TPST2: variants seen among roughly 807,000 people sequenced by gnomAD.
TPST2 encodes tyrosylprotein sulfotransferase 2.
TPST2 carries 16 observed loss-of-function variants against 27.8 expected under a neutral mutation model. The observed-to-expected ratio is 0.58, with a 90% confidence interval of 0.39 to 0.88. TPST2 has a LOEUF of 0.88. TPST2 is among the 40% of genes least tolerant of loss of function. TPST2 has a pLI of 0.00. For synonymous variants in TPST2, 229 were observed against 231.7 expected (o/e 0.99, Z 0.10); for missense variants, 464 against 543.1 (o/e 0.85, Z 1.45).
At chr22:26,577,292 T>C (rs891554839) in intron 1 of TPST2, among the ~76,000 whole-genome samples, 4 of 146,658 alleles carry the variant, frequency 2.7e-5, no homozygotes, top group East Asian at 4.0e-4. Flanking sequence ...AAAGTGAACA[T>C]GCATATAGTG....
intron 1 of TPST2, among the ~76,000 whole-genome samples, chr22:26,585,276 C>T (rs4822744): frequency 1.3e-5 from 2 of 152,116 alleles, no homozygotes; most frequent in South Asian, 2.1e-4. Context: ...GCTGGCTGCC[C>T]GCCATCTGAG....
Position 26,549,812 on chromosome 22 carries a change from C to T in TPST2, c.-160-5137G>A, listed in dbSNP as rs185537991. On this transcript the variant is annotated intron_variant, in intron 1 of 6. Transcript: ENST00000338754. ...TTGGGAGGCCGAGGCAGGTGGATCACGAAGTCAGGAGATCGAGACCATCCT... is the reference window on the plus strand; with the variant it reads ...TTGGGAGGCCGAGGCAGGTGGATCATGAAGTCAGGAGATCGAGACCATCCT... 1.4e-3 allele frequency among the ~76,000 whole-genome samples: 213 copies of T among 147,206 alleles called. 4 individuals carry two copies. Among genetic ancestry groups the T allele is most frequent in the African/African-American group, 4.9e-3 (195 of 39,806 alleles).
intron 1 of TPST2, among the ~76,000 whole-genome samples, chr22:26,558,046 C>A (rs1447558689): frequency 6.9e-6 from 1 of 145,112 alleles, no homozygotes; most frequent in Non-Finnish European, 1.5e-5. Flanking sequence ...GACTCCGTCT[C>A]AAAAAAATAT....
At position 26,569,009 on chromosome 22, in the gene TPST2, G is replaced by A. The variant is rs568971358; in HGVS notation, c.-161+21044C>T. On this transcript the variant is annotated intron_variant, in intron 1 of 6. Coordinates refer to ENST00000338754, the MANE Select transcript of TPST2 (RefSeq NM_003595.5). ...CTCCCGAGTAGCTGGGACTACAGGC[G>A]CCCACCACCACGCTCAGCTAATTTT... 1.0e-3 allele frequency among the ~76,000 whole-genome samples: 154 copies of A among 151,762 alleles called. 2 individuals are homozygous for A. Among genetic ancestry groups the A allele is most frequent in the African/African-American group, 3.3e-3 (137 of 41,374 alleles).
intron 1 of TPST2, among the ~76,000 whole-genome samples, chr22:26,562,442 T>C (rs1254657305): frequency 6.6e-6 from 1 of 152,134 alleles, no homozygotes; most frequent in Non-Finnish European, 1.5e-5. Flanking sequence ...CATTTCTACT[T>C]TTAAGATGCA....
At chr22:26,555,962 G>T (rs1281806109) in intron 1 of TPST2, among the ~76,000 whole-genome samples, 5 of 152,218 alleles carry the variant, frequency 3.3e-5, no homozygotes, top group Non-Finnish European at 4.4e-5. Flanking sequence ...GGTCTAATGG[G>T]TTCTTCCACC....
Position 26,524,217 on chromosome 22 carries a change from AAAAAT to A in TPST2, c.*2053_*2057del, listed in dbSNP as rs1217740505. 6.6e-6 allele frequency: 1 copy of A among 152,142 alleles called. No homozygotes were observed. Among genetic ancestry groups the A allele is most frequent in the South Asian group, 2.1e-4 (1 of 4,830 alleles). The allele number at this position is 152,142 out of a possible 1,614,324, so 9.4% of individuals were successfully genotyped here. On this transcript the variant is annotated 3_prime_UTR_variant, in exon 7 of 7. Transcript: ENST00000338754. ...ATTCCAGAGCAATCTCAAGACAAGG[AAAAAT>A]AAGAGCTGCTTCACACTGAGGGCTT...
intron 1 of TPST2, among the ~76,000 whole-genome samples, chr22:26,570,436 G>C (rs1039455648): frequency 2.0e-5 from 3 of 152,184 alleles, no homozygotes; most frequent in African/African-American, 4.8e-5. Flanking sequence ...GGTTATGTCT[G>C]CTTGTCTTCC....
At chr22:26,554,344 T>C (rs1240402252) in intron 1 of TPST2, among the ~76,000 whole-genome samples, 1 of 152,134 alleles carries the variant, frequency 6.6e-6, no homozygotes, top group Non-Finnish European at 1.5e-5. Flanking sequence ...CAGGACTTCC[T>C]GCCCAGAAAC....
intron 5 of TPST2, 126 bp downstream of exon 5, chr22:26,532,569 C>T: frequency 9.2e-7 from 1 of 1,083,668 alleles, no homozygotes. Flanking sequence ...AGCCAGCTCA[C>T]ATCCCCCTTT....
chr22:26,541,021 G>A lies in TPST2; in HGVS notation c.610C>T (p.Leu204Phe). The A allele has an allele frequency of 1.2e-6, 2 of 1,614,136 alleles. No individual in the cohort carries two copies. The highest frequency in any genetic ancestry group is 2.2e-5 in the East Asian group (1 of 44,880). ...GTGAGGCAGTCACGGTAGCTGCTGA[G>A]GTCAAAGCCCGCAATGGTGACTTTG... ...TRKVTIAGFD[L>F]SSYRDCLTKW... Residue 204 changes from leucine to phenylalanine, a missense_variant, in exon 3 of 7, where the codon CTC (leucine) becomes TTC (phenylalanine). Coordinates refer to ENST00000338754, the MANE Select transcript of TPST2 (RefSeq NM_003595.5). The surrounding 1 kb of genome is among the most constrained non-coding windows in gnomAD (Gnocchi z 5.9).
intron 1 of TPST2, among the ~76,000 whole-genome samples, chr22:26,552,520 T>C (rs1431079458): frequency 6.6e-6 from 1 of 152,062 alleles, no homozygotes; most frequent in Non-Finnish European, 1.5e-5. Context: ...TCCCCAACTT[T>C]CGACGACCCT....
chr22:26,547,452 T>C (rs1926185863), intron 1 of TPST2: 1 of 152,030 alleles, frequency 6.6e-6, no homozygotes, highest in Non-Finnish European at 1.5e-5. Context: ...CCTGTGTATT[T>C]AACACCAAAG....
intron 4 of TPST2, among the ~76,000 whole-genome samples, chr22:26,535,675 C>G (rs1925414664): frequency 6.6e-6 from 1 of 152,088 alleles, no homozygotes; most frequent in South Asian, 2.1e-4. Flanking sequence ...ACTCAGGAGC[C>G]TGGGGTGAGA....
rs1336129143 is a variant in TPST2 at position 26,541,271 on chromosome 22, C to T, written c.360G>A (p.Lys120=). Reference sequence around the variant, plus strand: ...TCACCCCCGCCTCATCCAGCCGCAGCTTCTCACGGCCAGACTTGGACCAGG... The same window carrying T: ...TCACCCCCGCCTCATCCAGCCGCAGTTTCTCACGGCCAGACTTGGACCAGG... The part of the protein sequence containing the change: ...RQAWSKSGRE[K]LRLDEAGVTD... The change falls in exon 3 of 7, where the codon AAG becomes AAA. Residue 120 remains lysine (K), a synonymous_variant. Transcript: ENST00000338754. The surrounding 1 kb of genome is among the most constrained non-coding windows in gnomAD (Gnocchi z 5.9). The T allele has an allele frequency of 6.5e-7, 1 of 1,537,798 alleles. No individual in the cohort carries two copies. Among genetic ancestry groups the T allele is most frequent in the Non-Finnish European group, 8.8e-7 (1 of 1,140,620 alleles).
intron 2 of TPST2, among the ~76,000 whole-genome samples, chr22:26,544,236 A>C (rs1926004080): frequency 6.6e-6 from 1 of 152,194 alleles, no homozygotes; most frequent in Admixed American, 6.5e-5. Flanking sequence ...GGTACTGAGA[A>C]AGCATACCTA....
intron 5 of TPST2, among the ~76,000 whole-genome samples, chr22:26,529,736 T>C (rs1401109666): frequency 2.0e-5 from 3 of 152,146 alleles, no homozygotes; most frequent in Non-Finnish European, 2.9e-5. Flanking sequence ...TATTCTTTTT[T>C]ATGAGACAGG....
Position 26,578,841 on chromosome 22 carries a change from ATTTC to A in TPST2, c.-161+11208_-161+11211del, listed in dbSNP as rs564109264. On this transcript the variant is annotated intron_variant, in intron 1 of 6. Transcript: ENST00000338754. ...CTGTGAAAAGAAAAAGCTGGACCCT[ATTTC>A]TTTCTTTCTTTTTTTTTTTTTTTTG... Among the ~76,000 whole-genome samples, 1,299 of 146,852 alleles carry A rather than the reference ATTTC, an allele frequency of 8.8e-3. 12 individuals are homozygous for A. Among genetic ancestry groups the A allele is most frequent in the African/African-American group, 0.029 (1,165 of 39,824 alleles).
chr22:26,531,755 C>T (rs929593588), intron 5 of TPST2, among the ~76,000 whole-genome samples: 1 of 152,196 alleles, frequency 6.6e-6, no homozygotes, highest in Non-Finnish European at 1.5e-5. Context: ...TCCACGACTG[C>T]CCCACTTTAG....
Sources: gnomAD v4.1 joint callset for allele counts (sites outside exome capture counted in the v4.1 genomes callset) on GRCh38, gnomAD v4.1.1 for gene constraint, Gnocchi (gnomAD v3.1) non-coding constraint, MANE v1.5 for transcripts, NCBI Gene and HGNC (gene_info 2026-07-23, HGNC 2026-07-21) for gene names.